The following RRBP1 variants were observed in gnomAD, a reference collection of about 807,000 sequenced individuals.
RRBP1 encodes the protein ribosome binding protein 1.
A neutral mutation model predicts 165.2 loss-of-function variants in RRBP1; 94 were observed. The observed-to-expected ratio is 0.57, with a 90% CI of 0.48 to 0.68. The LOEUF (loss-of-function observed/expected upper bound fraction) is 0.68. RRBP1 is among the 30% of genes least tolerant of loss of function. RRBP1 has a pLI of 0.00. For synonymous variants in RRBP1, 680 were observed against 714.5 expected (o/e 0.95, Z 0.77); for missense variants, 1,676 against 1,763.0 (o/e 0.95, Z 0.88).
Position 17,659,002 on chromosome 20 carries a change from G to A in RRBP1, c.1506C>T (p.Ala502=), listed in dbSNP as rs781631264. ...TTTGGCCCTGGTTCTGGGCTCCCTC[G>A]GCCTTTTTGCCCTGGTTCTGAGCCC... ...AEGAQNQGKK[A]EGAQNQGQKG... is the part of the protein sequence containing the mutation. The change falls in exon 3 of 25, where the codon GCC becomes GCT. Residue 502 remains alanine, a synonymous_variant. Transcript: ENST00000377813. The A allele has an allele frequency of 1.4e-5, 23 of 1,600,796 alleles. No homozygotes were observed. Among genetic ancestry groups the A allele is most frequent in the East Asian group, 4.5e-5 (2 of 44,452 alleles).
rs377342188 is a variant in RRBP1, at chr20:17,633,452, C to T, written c.2610+8G>A. ...CAGGGCACTGAGGCGGCCACTGCCC[C>T]GACTCACCTGCAGCTGCAGGACCTG... is the stretch of plus-strand genomic sequence containing the variant. On this transcript the variant is annotated splice_region_variant and intron_variant, in intron 8 of 24. Coordinates refer to ENST00000377813, the MANE Select transcript of RRBP1 (RefSeq NM_001365613.2). 13 of 1,611,702 alleles carry T rather than the reference C, an allele frequency of 8.1e-6. No homozygotes were observed. The highest frequency in any genetic ancestry group is 5.3e-5 in the African/African-American group (4 of 74,914).
chr20:17,631,846 C>T (rs1166337701), intron 8 of RRBP1, among the ~76,000 whole-genome samples: 1 of 152,224 alleles, frequency 6.6e-6, no homozygotes, highest in Non-Finnish European at 1.5e-5. Context: ...GAAGGCAGGA[C>T]AGTCACAATA....
At chr20:17,616,052 A>AC in intron 21 of RRBP1, 43 bp from the exon 22 acceptor site, 3 of 1,551,834 alleles carry the variant, frequency 1.9e-6, no homozygotes, top group Non-Finnish European at 2.6e-6. Flanking sequence ...CCGGTGAGGA[A>AC]CCCTCCAGGG....
At chr20:17,641,620 G>T (rs2036360256) in intron 5 of RRBP1, 177 bp downstream of exon 5, 2 of 745,408 alleles carry the variant, frequency 2.7e-6, no homozygotes, top group Non-Finnish European at 4.5e-6. Flanking sequence ...AGGGTGAGCT[G>T]CCGGCCCTTG....
At chr20:17,666,016 C>T (rs1416479822) in intron 2 of RRBP1, among the ~76,000 whole-genome samples, 1 of 152,218 alleles carries the variant, frequency 6.6e-6, no homozygotes, top group Non-Finnish European at 1.5e-5. Flanking sequence ...CTAGATTCTA[C>T]ACTTTGTTCC....
At chr20:17,632,485 T>C (rs1367166214) in intron 8 of RRBP1, among the ~76,000 whole-genome samples, 1 of 152,168 alleles carries the variant, frequency 6.6e-6, no homozygotes, top group East Asian at 1.9e-4. Flanking sequence ...AAATTATCCA[T>C]CTCAATTCCA....
chr20:17,648,800 A>C (rs1482512451), intron 3 of RRBP1, among the ~76,000 whole-genome samples: 1 of 152,240 alleles, frequency 6.6e-6, no homozygotes, highest in Non-Finnish European at 1.5e-5. Context: ...CAATATTTTT[A>C]AAAGAACGAC....
rs2122329864 is a variant in RRBP1 at position 17,635,533 on chromosome 20, A to C, written c.2456+13T>G. 1.9e-6 allele frequency: 3 copies of C among 1,586,706 alleles called. No homozygotes were observed. The highest frequency in any genetic ancestry group is 2.2e-5 in the East Asian group (1 of 44,662). On this transcript the variant is annotated intron_variant, in intron 7 of 24. Transcript: ENST00000377813. ...CCCTTGGGGAGGTGCTGAGGCAGGAAAGCTCAGCTTACTTGCTCTCCACCT... is the reference window on the plus strand; with the variant it reads ...CCCTTGGGGAGGTGCTGAGGCAGGACAGCTCAGCTTACTTGCTCTCCACCT...
intron 1 of RRBP1, among the ~76,000 whole-genome samples, chr20:17,680,381 ACCAGGCC>A: frequency 6.6e-6 from 1 of 152,280 alleles, no homozygotes; most frequent in Admixed American, 6.5e-5. Flanking sequence ...ATGAGGCCCT[ACCAGGCC>A]CATTTCTCCA....
chr20:17,642,809 T>C (rs1346855095), intron 4 of RRBP1, among the ~76,000 whole-genome samples, 170 bp downstream of exon 4: 1 of 152,148 alleles, frequency 6.6e-6, no homozygotes, highest in Non-Finnish European at 1.5e-5. Context: ...ATGGGTGGCT[T>C]GACAGAAGCC....
At chr20:17,660,666 CACTCTCT>C in intron 2 of RRBP1, 138 bp from the exon 3 acceptor site, 1 of 622,312 alleles carries the variant, frequency 1.6e-6, no homozygotes. Context: ...CAAACCCAGG[CACTCTCT>C]GATGTCCCAC....
chr20:17,635,512 T>A (rs373045328), intron 7 of RRBP1, 34 bp downstream of exon 7: 1 of 1,497,986 alleles, frequency 6.7e-7, no homozygotes, highest in Non-Finnish European at 9.2e-7. Context: ...CCAGGGCCCT[T>A]GGGGAGGTGC....
Position 17,616,829 on chromosome 20 carries a change from T to C in RRBP1, c.3770A>G (p.Gln1257Arg). The change falls in exon 21 of 25, where the codon CAG becomes CGG. Residue 1257 changes from glutamine to arginine, a missense_variant. Coordinates refer to ENST00000377813, the MANE Select transcript of RRBP1 (RefSeq NM_001365613.2). The stretch of plus-strand genomic sequence containing the variant: ...TACGTGGCTCTTCATTTCACTCAAC[T>C]GCTGCCTGACCTGGAACAGGAAGGG... ...QSDELALVRQ[Q>R]LSEMKSHVED... 6.2e-7 allele frequency: 1 copy of C among 1,612,848 alleles called. No homozygotes were observed. Among genetic ancestry groups the C allele is most frequent in the Non-Finnish European group, 8.5e-7 (1 of 1,179,302 alleles).
chr20:17,616,960 G>C, intron 20 of RRBP1, 121 bp from the exon 21 acceptor site: 1 of 837,174 alleles, frequency 1.2e-6, no homozygotes, highest in Non-Finnish European at 1.9e-6. Flanking sequence ...CCCTTCAGGG[G>C]ACCTGGCTTG....
chr20:17,625,482 TC>T, intron 12 of RRBP1, 29 bp downstream of exon 12: 2 of 1,603,068 alleles, frequency 1.2e-6, no homozygotes, highest in Non-Finnish European at 1.7e-6. Flanking sequence ...CCCTGGCCCG[TC>T]CGTCCCCGCC....
intron 3 of RRBP1, among the ~76,000 whole-genome samples, chr20:17,644,678 G>A (rs958451521): frequency 1.3e-5 from 2 of 152,176 alleles, no homozygotes; most frequent in Non-Finnish European, 2.9e-5. Flanking sequence ...GTCCTGCGCC[G>A]TCCGATGTGC....
chr20:17,648,048 C>G (rs1188935258), intron 3 of RRBP1, among the ~76,000 whole-genome samples: 1 of 152,222 alleles, frequency 6.6e-6, no homozygotes, highest in South Asian at 2.1e-4. Context: ...TCAGCCTCTG[C>G]AGACCAAGAT....
At chr20:17,656,466 T>C (rs928378505) in intron 3 of RRBP1, among the ~76,000 whole-genome samples, 18 of 152,228 alleles carry the variant, frequency 1.2e-4, no homozygotes, top group African/African-American at 4.3e-4. Context: ...TAGAGGCAAG[T>C]GCTTGGCGGG....
At position 17,643,575 on chromosome 20, in the gene RRBP1, G is replaced by A. The variant is rs1041000124; in HGVS notation, c.1913-448C>T. The stretch of plus-strand genomic sequence containing the variant: ...CCCGTGGCCTTGTGGGACCTGACTG[G>A]GCAGCGAATTTACCGTCCACCACAC... On this transcript the variant is annotated intron_variant, in intron 3 of 24. Coordinates refer to ENST00000377813, the MANE Select transcript of RRBP1 (RefSeq NM_001365613.2). The surrounding 1 kb of genome is among the most constrained non-coding windows in gnomAD (Gnocchi z 4.3). Among the ~76,000 whole-genome samples the A allele has an allele frequency of 6.6e-6, 1 of 152,026 alleles. No individual in the cohort carries two copies. The highest frequency in any genetic ancestry group is 1.5e-5 in the Non-Finnish European group (1 of 68,010).
Sources: allele counts gnomAD v4.1 joint callset (sites outside exome capture counted in the v4.1 genomes callset), GRCh38; gene constraint gnomAD v4.1.1; non-coding constraint Gnocchi (gnomAD v3.1); transcripts MANE v1.5; gene names NCBI Gene and HGNC (gene_info 2026-07-23, HGNC 2026-07-21).